The following LUZP2 variants were observed in gnomAD, a reference collection of about 807,000 sequenced individuals.
LUZP2 encodes leucine zipper protein 2.
A neutral mutation model predicts 51.6 loss-of-function variants in LUZP2; 52 were observed. The observed-to-expected ratio is 1.01, with a 90% CI of 0.81 to 1.27. The LOEUF is 1.27. Among genes scored for constraint, LUZP2 ranks in the 50% most tolerant of loss-of-function variants. The pLI, the probability that LUZP2 is intolerant of heterozygous loss-of-function variation, is 0.00. For synonymous variants in LUZP2, 154 were observed against 137.3 expected (o/e 1.12, Z -0.85); for missense variants, 436 against 395.4 (o/e 1.10, Z -0.87).
intron 1 of LUZP2, among the ~76,000 whole-genome samples, chr11:24,576,145 G>A (rs1852637691): frequency 6.6e-6 from 1 of 151,992 alleles, no homozygotes; most frequent in African/African-American, 2.4e-5. Flanking sequence ...TGGCATGGTG[G>A]CTCATGCCTG....
intron 5 of LUZP2, among the ~76,000 whole-genome samples, chr11:24,774,385 TAC>T (rs1186915708): frequency 1.8e-5 from 2 of 109,764 alleles, no homozygotes; most frequent in Admixed American, 9.4e-5. Flanking sequence ...TATATATACA[TAC>T]ACACACACAT....
intron 1 of LUZP2, among the ~76,000 whole-genome samples, chr11:24,576,332 G>A (rs1266919345): frequency 2.8e-5 from 4 of 141,966 alleles, no homozygotes; most frequent in Non-Finnish European, 6.0e-5. Context: ...AGAATCACTT[G>A]AACCCAGGAG....
At chr11:24,629,827 C>G (rs965887188) in intron 1 of LUZP2, among the ~76,000 whole-genome samples, 1 of 151,726 alleles carries the variant, frequency 6.6e-6, no homozygotes, top group African/African-American at 2.4e-5. Context: ...TATAAGTGTT[C>G]CCTTTTCTTC....
intron 5 of LUZP2, among the ~76,000 whole-genome samples, chr11:24,827,869 T>G (rs1850588405): frequency 6.6e-6 from 1 of 152,024 alleles, no homozygotes; most frequent in South Asian, 2.1e-4. Flanking sequence ...CCCATGATCA[T>G]AAGGCACAAC....
chr11:24,736,469 GTCCTTCCT>G (rs61318393), intron 3 of LUZP2, among the ~76,000 whole-genome samples: 14,428 of 146,276 alleles, frequency 0.099, 1,896 homozygotes, highest in African/African-American at 0.3. Flanking sequence ...TAACATGTAG[GTCCTTCCT>G]TCCTTCCTTC....
chr11:24,885,660 G>T (rs796210385), intron 5 of LUZP2, among the ~76,000 whole-genome samples: 38 of 152,224 alleles, frequency 2.5e-4, no homozygotes, highest in African/African-American at 8.9e-4. Context: ...ATCAGGAAAA[G>T]TCATCATCTC....
chr11:24,864,593 T>A (rs1049027603), intron 5 of LUZP2, among the ~76,000 whole-genome samples: 1 of 152,180 alleles, frequency 6.6e-6, no homozygotes, highest in Admixed American at 6.5e-5. Context: ...TGTGTCCGCA[T>A]GGTGGCAAGT....
rs112619724 is a variant in LUZP2 at position 24,749,317 on chromosome 11, T to C, written c.333+11015T>C. Reference sequence around the variant, plus strand: ...AGAAGTGAGTACATTTAAACAGCTTTAAAGTCAAAAGCCTTGTTTTCCCAC... The same window carrying C: ...AGAAGTGAGTACATTTAAACAGCTTCAAAGTCAAAAGCCTTGTTTTCCCAC... On this transcript the variant is annotated intron_variant, in intron 4 of 11. Coordinates refer to ENST00000336930, the MANE Select transcript of LUZP2 (RefSeq NM_001009909.4). Among the ~76,000 whole-genome samples, 320 of 152,282 alleles carry C rather than the reference T, an allele frequency of 2.1e-3. 1 individual carries two copies. The highest frequency in any genetic ancestry group is 6.3e-3 in the African/African-American group (263 of 41,560).
At chr11:24,792,964 C>T (rs1168976652) in intron 5 of LUZP2, among the ~76,000 whole-genome samples, 1 of 152,156 alleles carries the variant, frequency 6.6e-6, no homozygotes, top group African/African-American at 2.4e-5. Flanking sequence ...TTCTAGCTTC[C>T]TGGAAGGCTG....
rs77392516 is a variant in LUZP2, at chr11:24,655,158, C to A, written c.63-74011C>A. On this transcript the variant is annotated intron_variant, in intron 1 of 11. Transcript: ENST00000336930. ...TGCTTTCATTGAAACATCTTTGTTT[C>A]TATTTTACACTGGTGTAATTAAGAC... 7.0e-4 allele frequency among the ~76,000 whole-genome samples: 107 copies of A among 152,168 alleles called. 3 individuals are homozygous for A. In the South Asian group the frequency reaches 0.015, roughly 21 times the overall value.
chr11:24,512,232 C>A lies in LUZP2; in HGVS notation c.62+14927C>A, dbSNP rs1483880773. Among the ~76,000 whole-genome samples, 2 of 151,974 alleles carry A rather than the reference C, an allele frequency of 1.3e-5. 1 individual carries two copies. Among genetic ancestry groups the A allele is most frequent in the Non-Finnish European group, 2.9e-5 (2 of 67,894 alleles). ...TGGTGGTTGTCACAGGCTGAAAAAA[C>A]AAATAGCGGTGGTGGTAGAATATTG... On this transcript the variant is annotated intron_variant, in intron 1 of 11. Coordinates refer to ENST00000336930, the MANE Select transcript of LUZP2 (RefSeq NM_001009909.4).
rs117467788 is a variant in LUZP2 at position 24,706,399 on chromosome 11, C to T, written c.63-22770C>T. Among the ~76,000 whole-genome samples, 1,070 of 152,252 alleles carry T rather than the reference C, an allele frequency of 7.0e-3. 10 individuals are homozygous for T. Among genetic ancestry groups the T allele is most frequent in the Non-Finnish European group, 9.3e-3 (632 of 68,028 alleles). On this transcript the variant is annotated intron_variant, in intron 1 of 11. Coordinates refer to ENST00000336930, the MANE Select transcript of LUZP2 (RefSeq NM_001009909.4). ...TAAAAACTTTTTAGTCTCTATCTCA[C>T]CCCCTGGGAAGAAGCAAATCCAGTG...
intron 5 of LUZP2, among the ~76,000 whole-genome samples, chr11:24,800,757 G>T (rs951779500): frequency 6.6e-6 from 1 of 152,008 alleles, no homozygotes; most frequent in Admixed American, 6.6e-5. Context: ...TAAGCCCCAG[G>T]TTGAAAGTTA....
At chr11:24,542,487 A>G (rs1373037622) in intron 1 of LUZP2, among the ~76,000 whole-genome samples, 1 of 151,998 alleles carries the variant, frequency 6.6e-6, no homozygotes, top group Non-Finnish European at 1.5e-5. Context: ...CTTAGTTATT[A>G]CTGAATGTTA....
intron 5 of LUZP2, among the ~76,000 whole-genome samples, chr11:24,816,140 T>G (rs967803726): frequency 3.3e-5 from 5 of 152,070 alleles, no homozygotes; most frequent in Non-Finnish European, 7.4e-5. Context: ...AAAAAATAAT[T>G]TTGTGAATCT....
Position 24,709,120 on chromosome 11 carries a change from A to G in LUZP2, c.63-20049A>G, listed in dbSNP as rs1436343731. Among the ~76,000 whole-genome samples, 3 of 152,176 alleles carry G rather than the reference A, an allele frequency of 2.0e-5. No individual in the cohort carries two copies. In the South Asian group the frequency reaches 6.2e-4, roughly 31 times the overall value. ...GTCTTTATCTCTATTTGTGATAGAG[A>G]ATAAAACATTCCTGAACATGTGGGA... On this transcript the variant is annotated intron_variant, in intron 1 of 11. Coordinates refer to ENST00000336930, the MANE Select transcript of LUZP2 (RefSeq NM_001009909.4).
Position 24,869,874 on chromosome 11 carries a change from G to A in LUZP2, c.397-36117G>A, listed in dbSNP as rs189765273. 4.3e-4 allele frequency among the ~76,000 whole-genome samples: 65 copies of A among 152,222 alleles called. 1 individual carries two copies. The highest frequency in any genetic ancestry group is 2.0e-4 in the Admixed American group (3 of 15,272). On this transcript the variant is annotated intron_variant, in intron 5 of 11. Transcript: ENST00000336930. ...TTACTTTAAATCAAAAGCTAGGAATGTTTACGCTTAGTGGGAAAATGAAGA... is the reference window on the plus strand; with the variant it reads ...TTACTTTAAATCAAAAGCTAGGAATATTTACGCTTAGTGGGAAAATGAAGA...
At chr11:25,045,114 G>C (rs917795743) in intron 9 of LUZP2, among the ~76,000 whole-genome samples, 1 of 149,582 alleles carries the variant, frequency 6.7e-6, no homozygotes, top group South Asian at 2.1e-4. Flanking sequence ...GCTAAATGAC[G>C]AGTTAATGGG....
chr11:24,503,714 A>G (rs1322239202), intron 1 of LUZP2, among the ~76,000 whole-genome samples: 1 of 152,168 alleles, frequency 6.6e-6, no homozygotes. Context: ...CAAGGTCGTA[A>G]AGGGAAACAA....
Sources: allele counts gnomAD v4.1 joint callset (sites outside exome capture counted in the v4.1 genomes callset), GRCh38; gene constraint gnomAD v4.1.1; transcripts MANE v1.5; gene names NCBI Gene and HGNC (gene_info 2026-07-23, HGNC 2026-07-21).